Variants in WDR64 observed in about 807,000 individuals in gnomAD.
WDR64 encodes the protein WD repeat-containing protein 64.
In WDR64, 112 loss-of-function variants were observed where a neutral mutation model predicts 139.3. The ratio of observed to expected loss-of-function variants is 0.80; its 90% CI spans 0.69 to 0.94. The LOEUF (loss-of-function observed/expected upper bound fraction) is 0.94, where lower values mean the gene tolerates loss of function less well. WDR64 is among the 40% of genes least tolerant of loss of function. The probability of loss-of-function intolerance (pLI) is 0.00; values close to 1 mark genes in which losing one functional copy is unlikely to be tolerated. For missense variants in WDR64, 1,206 were observed against 1,293.1 expected (o/e 0.93, Z 1.03); for synonymous variants, 444 against 437.7 (o/e 1.01, Z -0.18).
At position 241,723,441 on chromosome 1, in the gene WDR64, C is replaced by A; in HGVS notation, c.1194+5C>A. ...GTCAGCCTTTCCTCTGCAAAGGTAA[C>A]AAAAAGAAAATAACAAAACAAAACT... On this transcript the variant is annotated splice_donor_5th_base_variant and intron_variant, in intron 10 of 27. Transcript: ENST00000437684. 6.2e-7 allele frequency: 1 copy of A among 1,611,114 alleles called. No individual in the cohort carries two copies. Among genetic ancestry groups the A allele is most frequent in the African/African-American group, 1.3e-5 (1 of 74,836 alleles).
At chr1:241,721,947 T>C (rs906023836) in intron 9 of WDR64, among the ~76,000 whole-genome samples, 1 of 152,070 alleles carries the variant, frequency 6.6e-6, no homozygotes, top group Non-Finnish European at 1.5e-5. Flanking sequence ...CACGCCTAAC[T>C]GCAAAGGAGC....
chr1:241,662,921 A>C (rs922341483), intron 2 of WDR64, among the ~76,000 whole-genome samples: 1 of 152,206 alleles, frequency 6.6e-6, no homozygotes, highest in African/African-American at 2.4e-5. Flanking sequence ...TATGTAATCA[A>C]TTATTTAAAA....
chr1:241,796,475 A>C, intron 27 of WDR64, 105 bp downstream of exon 27: 1 of 794,970 alleles, frequency 1.3e-6, no homozygotes, highest in African/African-American at 1.8e-5. Context: ...CTGAACCTAA[A>C]ATCATTTCAG....
At chr1:241,654,875 T>C (rs972538178) in intron 1 of WDR64, among the ~76,000 whole-genome samples, 15 of 152,224 alleles carry the variant, frequency 9.9e-5, no homozygotes, top group Non-Finnish European at 2.1e-4. Context: ...AAGGGGTGTA[T>C]ATTAAGTGTA....
In WDR64 at chr1:241,742,817, C is replaced by G. The variant is rs372115110; in HGVS notation, c.1470+1153C>G. On this transcript the variant is annotated intron_variant, in intron 12 of 27. Transcript: ENST00000437684. ...TCAGGACCCCTTTCCCATAACACGG[C>G]CATCACAGCATTTCCTAGAGGCCAG... Among the ~76,000 whole-genome samples, 6 of 152,322 alleles carry G rather than the reference C, an allele frequency of 3.9e-5. No homozygotes were observed. In the East Asian group the frequency reaches 1.2e-3, roughly 29 times the overall value.
intron 22 of WDR64, among the ~76,000 whole-genome samples, chr1:241,782,028 T>C (rs1469135090): frequency 6.6e-6 from 1 of 152,240 alleles, no homozygotes; most frequent in Non-Finnish European, 1.5e-5. Context: ...GGCTCACGCC[T>C]GTAATCCCAG....
intron 11 of WDR64, among the ~76,000 whole-genome samples, chr1:241,740,560 T>A (rs1669497767): frequency 6.6e-6 from 1 of 152,206 alleles, no homozygotes; most frequent in Non-Finnish European, 1.5e-5. Flanking sequence ...AGAAACTCAA[T>A]GCAAAATCTG....
chr1:241,678,998 A>G (rs552566354), intron 5 of WDR64, among the ~76,000 whole-genome samples: 6 of 151,310 alleles, frequency 4.0e-5, no homozygotes, highest in African/African-American at 1.5e-4. Context: ...TGTGTTGTTG[A>G]TATTACAAAT....
At position 241,749,569 on chromosome 1, in the gene WDR64, T is replaced by G; in HGVS notation, c.1617T>G (p.Phe539Leu). The G allele has an allele frequency of 6.2e-7, 1 of 1,614,182 alleles. No individual in the cohort carries two copies. The change falls in exon 14 of 28, where the codon TTT becomes TTG. Residue 539 changes from phenylalanine to leucine, a missense_variant. Phe to Leu is a conservative substitution (Grantham distance 22, BLOSUM62 0). Transcript: ENST00000437684. The part of the protein sequence containing the change: ...AYNGTVRIWD[F>L]GSGQEMKVLP... ...CAGGAACAGTCAGAATCTGGGACTT[T>G]GGCAGTGGGCAGGAGATGAAGGTGT...
At chr1:241,735,329 CACT>C (rs1255496508) in intron 10 of WDR64, among the ~76,000 whole-genome samples, 3 of 114,916 alleles carry the variant, frequency 2.6e-5, no homozygotes, top group Non-Finnish European at 5.6e-5. Context: ...GTAGTTTCTA[CACT>C]TTGTGTCTTT....
Position 241,741,586 on chromosome 1 carries a change from T to C in WDR64, c.1392T>C (p.His464=). 1.9e-6 allele frequency: 3 copies of C among 1,613,694 alleles called. No homozygotes were observed. The highest frequency in any genetic ancestry group is 2.5e-6 in the Non-Finnish European group (3 of 1,179,850). Residue 464 remains histidine (H), a synonymous_variant, in exon 12 of 28, where the codon CAT becomes CAC. Coordinates refer to ENST00000437684, the MANE Select transcript of WDR64 (RefSeq NM_001367482.1). ...IQDTKQVPHT[H]EREINVMLYN... Reference sequence around the variant, plus strand: ...ATACAAAACAGGTTCCTCACACTCATGAACGAGAAATCAATGTCATGCTTT... The same window carrying C: ...ATACAAAACAGGTTCCTCACACTCACGAACGAGAAATCAATGTCATGCTTT...
chr1:241,734,221 C>T (rs957447954), intron 10 of WDR64, among the ~76,000 whole-genome samples: 10 of 152,132 alleles, frequency 6.6e-5, no homozygotes, highest in African/African-American at 2.4e-4. Context: ...CCTGCCTTTC[C>T]GGACTTAACC....
intron 9 of WDR64, among the ~76,000 whole-genome samples, chr1:241,718,488 A>T (rs1668484680): frequency 6.6e-6 from 1 of 152,182 alleles, no homozygotes; most frequent in African/African-American, 2.4e-5. Context: ...GCACAAAGGT[A>T]TCAGAAGAGA....
At chr1:241,735,533 C>T (rs1328259273) in intron 10 of WDR64, among the ~76,000 whole-genome samples, 3,573 of 103,422 alleles carry the variant, frequency 0.035, 235 homozygotes, top group African/African-American at 0.13. Flanking sequence ...CTCTCTCTCT[C>T]TTTTTTTTTT....
intron 25 of WDR64, 64 bp from the exon 26 acceptor site, chr1:241,795,143 C>A: frequency 6.9e-7 from 1 of 1,441,818 alleles, no homozygotes; most frequent in South Asian, 1.2e-5. Context: ...GGATTTGAAC[C>A]CAGGTATTTT....
intron 15 of WDR64, among the ~76,000 whole-genome samples, chr1:241,762,800 A>G (rs1186894286): frequency 1.3e-5 from 2 of 151,858 alleles, no homozygotes; most frequent in African/African-American, 4.8e-5. Flanking sequence ...GAATAATAAT[A>G]TAGCTGGTTT....
At chr1:241,670,489 C>T (rs1293868936) in intron 2 of WDR64, among the ~76,000 whole-genome samples, 7 of 152,124 alleles carry the variant, frequency 4.6e-5, no homozygotes, top group East Asian at 3.8e-4. Context: ...GTGCCAGCTC[C>T]GAATAGATCT....
Position 241,741,645 on chromosome 1 carries a change from G to C in WDR64, c.1451G>C (p.Cys484Ser). ...TATTTTCATCAAGTACTCACTATCT[G>C]CTCTGAATCCATAATTAGGGTAAGT... ...NKYFHQVLTI[C>S]SESIIRVWEL... is the part of the protein sequence containing the mutation. Residue 484 changes from cysteine (C) to serine (S), a missense_variant, in exon 12 of 28, where the codon TGC becomes TCC. Coordinates refer to ENST00000437684, the MANE Select transcript of WDR64 (RefSeq NM_001367482.1). The C allele has an allele frequency of 6.2e-7, 1 of 1,609,296 alleles. No individual in the cohort carries two copies. The highest frequency in any genetic ancestry group is 8.5e-7 in the Non-Finnish European group (1 of 1,179,100).
intron 15 of WDR64, among the ~76,000 whole-genome samples, chr1:241,761,593 G>T (rs1657904333): frequency 6.6e-6 from 1 of 151,474 alleles, no homozygotes. Context: ...TAATTAGGAA[G>T]ATATATTATG....
Sources: gnomAD v4.1 joint callset for allele counts (sites outside exome capture counted in the v4.1 genomes callset) on GRCh38, gnomAD v4.1.1 for gene constraint, MANE v1.5 for transcripts, NCBI Gene and HGNC (gene_info 2026-07-23, HGNC 2026-07-21) for gene names.